LHPP: variants seen among roughly 807,000 people sequenced by gnomAD.
The protein encoded by LHPP is phospholysine phosphohistidine inorganic pyrophosphate phosphatase.
LHPP carries 24 observed loss-of-function variants against 30.3 expected under a neutral mutation model. The observed-to-expected ratio is 0.79, with a 90% CI of 0.57 to 1.11. The LOEUF (loss-of-function observed/expected upper bound fraction) is 1.11, where lower values mean the gene tolerates loss of function less well. Among genes scored for constraint, LHPP ranks in the 50% most tolerant of loss-of-function variants. The pLI, the probability that LHPP is intolerant of heterozygous loss-of-function variation, is 0.00. For synonymous variants in LHPP, 150 were observed against 157.1 expected, an observed-to-expected ratio of 0.95 and a Z score of 0.34; for missense variants, 356 against 367.2, an observed-to-expected ratio of 0.97 and a Z score of 0.25.
At chr10:124,492,151 C>G (rs1463797271) in intron 3 of LHPP, among the ~76,000 whole-genome samples, 1 of 152,222 alleles carries the variant, frequency 6.6e-6, no homozygotes, top group Non-Finnish European at 1.5e-5. Flanking sequence ...CTCCAGACCA[C>G]AGAGTTAGTT....
At chr10:124,484,102 G>A (rs367560881) in intron 1 of LHPP, 37 bp from the exon 2 acceptor site, 181 of 1,602,554 alleles carry the variant, frequency 1.1e-4, no homozygotes, top group South Asian at 2.2e-4. Context: ...AACACTCCAC[G>A]TGCTGACTTC....
chr10:124,513,575 G>A (rs1332573274), intron 5 of LHPP, among the ~76,000 whole-genome samples: 6 of 140,870 alleles, frequency 4.3e-5, no homozygotes, highest in African/African-American at 1.3e-4. Flanking sequence ...AGCAATTCGT[G>A]TGCCTCAGCC....
chr10:124,565,665 G>A (rs574215873), intron 6 of LHPP, among the ~76,000 whole-genome samples: 7 of 152,320 alleles, frequency 4.6e-5, no homozygotes, highest in South Asian at 4.1e-4. Context: ...GGCCACTGTC[G>A]TCCAAGAATT....
intron 1 of LHPP, among the ~76,000 whole-genome samples, chr10:124,474,045 A>G (rs1471774330): frequency 6.6e-6 from 1 of 151,850 alleles, no homozygotes; most frequent in African/African-American, 2.4e-5. Flanking sequence ...GATAAAAGCC[A>G]ACGTTTTACT....
rs1954261768 is a variant in LHPP at position 124,510,109 on chromosome 10, C to T, written c.625-7071C>T. 2.0e-5 allele frequency among the ~76,000 whole-genome samples: 3 copies of T among 152,106 alleles called. No individual in the cohort carries two copies. ...GGGGGGTCCGACCTTTCATTTTTTT[C>T]TCCGCCTCACACCCCACCATGTCGT... On this transcript the variant is annotated intron_variant, in intron 5 of 6. Transcript: ENST00000368842. The surrounding 1 kb of genome is among the most constrained non-coding windows in gnomAD (Gnocchi z 4.0).
In LHPP at chr10:124,523,923, G is replaced by A. The variant is rs901037917; in HGVS notation, c.716+6652G>A. On this transcript the variant is annotated intron_variant, in intron 6 of 6. Coordinates refer to ENST00000368842, the MANE Select transcript of LHPP (RefSeq NM_022126.4). This position sits in a 1 kb window ranked among gnomAD's most constrained non-coding sequence, Gnocchi z 4.2. ...TCTCAGCAGCCCTCTGGTCCTGCCC[G>A]GGATAGAGGCTGTGGCTTCTGGTGT... Among the ~76,000 whole-genome samples, 2 of 152,214 alleles carry A rather than the reference G, an allele frequency of 1.3e-5. No individual in the cohort carries two copies. The highest frequency in any genetic ancestry group is 2.9e-5 in the Non-Finnish European group (2 of 68,038).
At chr10:124,545,496 G>T (rs1366674017) in intron 6 of LHPP, among the ~76,000 whole-genome samples, 1 of 152,220 alleles carries the variant, frequency 6.6e-6, no homozygotes, top group Non-Finnish European at 1.5e-5. Flanking sequence ...GGGTCTTTGT[G>T]CAGGGGCAGT....
At chr10:124,467,290 T>C (rs1024985837) in intron 1 of LHPP, among the ~76,000 whole-genome samples, 1 of 151,252 alleles carries the variant, frequency 6.6e-6, no homozygotes, top group Admixed American at 6.6e-5. Context: ...AAGCAGGACC[T>C]ATGGGACCTG....
At position 124,553,040 on chromosome 10, in the gene LHPP, G is replaced by A. The variant is rs529286673; in HGVS notation, c.716+35769G>A. ...TAATGAGCGCCGCTCAGCGCTCCGCGGCCTCCTAGCGTGTCTTTATTCTGC... is the reference window on the plus strand; with the variant it reads ...TAATGAGCGCCGCTCAGCGCTCCGCAGCCTCCTAGCGTGTCTTTATTCTGC... On this transcript the variant is annotated intron_variant, in intron 6 of 6. Transcript: ENST00000368842. 1.5e-4 allele frequency among the ~76,000 whole-genome samples: 23 copies of A among 152,336 alleles called. 1 individual carries two copies. Among genetic ancestry groups the A allele is most frequent in the African/African-American group, 3.6e-4 (15 of 41,576 alleles).
At chr10:124,557,966 C>T (rs1182879233) in intron 6 of LHPP, among the ~76,000 whole-genome samples, 6 of 152,106 alleles carry the variant, frequency 3.9e-5, no homozygotes, top group Admixed American at 2.6e-4. Flanking sequence ...TTCATGTCAG[C>T]GCGTCCTGAC....
At chr10:124,467,736 G>GTTGTTTTC (rs1341243094) in intron 1 of LHPP, among the ~76,000 whole-genome samples, 3 of 108,210 alleles carry the variant, frequency 2.8e-5, no homozygotes, top group African/African-American at 1.1e-4. Context: ...TTGTTGTTTT[G>GTTGTTTTC]AGACAGTCTC....
chr10:124,517,036 G>A lies in LHPP; in HGVS notation c.625-144G>A, dbSNP rs1954473904. 6.9e-6 allele frequency: 4 copies of A among 580,604 alleles called. No homozygotes were observed. Among genetic ancestry groups the A allele is most frequent in the South Asian group, 4.3e-5 (2 of 46,384 alleles). The allele number at this position is 580,604 out of a possible 1,614,324, so 36.0% of individuals were successfully genotyped here. On this transcript the variant is annotated intron_variant, in intron 5 of 6. Transcript: ENST00000368842. This position sits in a 1 kb window ranked among gnomAD's most constrained non-coding sequence, Gnocchi z 4.1. The stretch of plus-strand genomic sequence containing the variant: ...AGGTGGGTTGACTTTTAATCAATAC[G>A]ATGACAATATTATCTTGTTTAATTT...
intron 6 of LHPP, among the ~76,000 whole-genome samples, chr10:124,604,350 C>A (rs1044355319): frequency 2.6e-5 from 4 of 152,198 alleles, no homozygotes; most frequent in Middle Eastern, 3.2e-3. Flanking sequence ...GCCTTCTGCC[C>A]ACCTCACTGG....
intron 1 of LHPP, among the ~76,000 whole-genome samples, chr10:124,474,846 A>G (rs1952892718): frequency 6.6e-6 from 1 of 151,570 alleles, no homozygotes; most frequent in African/African-American, 2.4e-5. Flanking sequence ...CCTCTTTCTA[A>G]AGGTGCCCCT....
chr10:124,499,556 T>C (rs947855705), intron 5 of LHPP, among the ~76,000 whole-genome samples: 4 of 151,814 alleles, frequency 2.6e-5, no homozygotes, highest in African/African-American at 9.7e-5. Context: ...CTTGGGAAGC[T>C]GAGGGATGAG....
At chr10:124,514,260 G>A (rs555565154) in intron 5 of LHPP, among the ~76,000 whole-genome samples, 77 of 152,210 alleles carry the variant, frequency 5.1e-4, no homozygotes, top group Non-Finnish European at 9.7e-4. Flanking sequence ...AGGGAGGTGA[G>A]CAGGCAGAAG....
At chr10:124,528,975 AT>A (rs1443247687) in intron 6 of LHPP, among the ~76,000 whole-genome samples, 5 of 145,822 alleles carry the variant, frequency 3.4e-5, no homozygotes, top group African/African-American at 1.3e-4. Flanking sequence ...AATAAGAGTT[AT>A]TTTTTATGGC....
intron 3 of LHPP, chr10:124,493,671 A>G (rs1247559712): frequency 1.3e-5 from 2 of 152,246 alleles, no homozygotes; most frequent in Non-Finnish European, 2.9e-5. Context: ...AGAATAAAGC[A>G]TAAAATCGCA....
At chr10:124,492,783 T>C (rs915483573) in intron 3 of LHPP, among the ~76,000 whole-genome samples, 1 of 152,224 alleles carries the variant, frequency 6.6e-6, no homozygotes, top group Admixed American at 6.5e-5. Context: ...GCCTCTTAAC[T>C]CATTTACCCG....
Sources: gnomAD v4.1 joint callset for allele counts (sites outside exome capture counted in the v4.1 genomes callset) on GRCh38, gnomAD v4.1.1 for gene constraint, Gnocchi (gnomAD v3.1) non-coding constraint, MANE v1.5 for transcripts, NCBI Gene and HGNC (gene_info 2026-07-23, HGNC 2026-07-21) for gene names.